Variants in SNTG1 observed in about 807,000 individuals in gnomAD.
The protein encoded by SNTG1 is syntrophin gamma 1.
SNTG1 carries 39 observed loss-of-function variants against 74.7 expected under a neutral mutation model. The observed-to-expected ratio is 0.52, with a 90% CI of 0.40 to 0.68. The LOEUF is 0.68. Ranked by LOEUF, SNTG1 falls within the 30% of genes least tolerant of loss-of-function variation. The pLI is 0.00. For synonymous variants in SNTG1, 254 were observed against 217.1 expected (o/e 1.17, Z -1.49); for missense variants, 685 against 609.5 (o/e 1.12, Z -1.30).
chr8:49,949,027 C>G (rs1809464515), intron 1 of SNTG1, among the ~76,000 whole-genome samples: 1 of 152,182 alleles, frequency 6.6e-6, no homozygotes. Flanking sequence ...GATTTCAATT[C>G]TGGACCCAAA....
At chr8:50,570,403 C>A (rs866186527) in intron 12 of SNTG1, among the ~76,000 whole-genome samples, 3 of 148,050 alleles carry the variant, frequency 2.0e-5, no homozygotes, top group African/African-American at 7.4e-5. Context: ...GGACTACAGG[C>A]GCACACCACC....
chr8:50,501,183 G>A (rs535550978), intron 8 of SNTG1, among the ~76,000 whole-genome samples: 1 of 152,112 alleles, frequency 6.6e-6, no homozygotes, highest in Admixed American at 6.6e-5. Flanking sequence ...GGTGGTATGA[G>A]CCTATATAGC....
chr8:50,762,718 G>A (rs527252640), intron 18 of SNTG1: 2 of 483,518 alleles, frequency 4.1e-6, no homozygotes, highest in African/African-American at 3.9e-5. Flanking sequence ...GCCCAGTCTT[G>A]TGCTTGCCTC....
At chr8:49,915,766 G>C (rs968338418) in intron 1 of SNTG1, among the ~76,000 whole-genome samples, 3 of 152,156 alleles carry the variant, frequency 2.0e-5, no homozygotes, top group Admixed American at 6.5e-5. Context: ...ATTGTGATTT[G>C]ACTGCTGGCT....
At chr8:50,343,489 A>G (rs1020705029) in intron 2 of SNTG1, among the ~76,000 whole-genome samples, 2 of 152,188 alleles carry the variant, frequency 1.3e-5, no homozygotes, top group Non-Finnish European at 2.9e-5. Flanking sequence ...TTTTAATTAT[A>G]AAAAAATTAA....
At chr8:50,340,341 A>G (rs2091283149) in intron 2 of SNTG1, among the ~76,000 whole-genome samples, 1 of 151,986 alleles carries the variant, frequency 6.6e-6, no homozygotes, top group South Asian at 2.1e-4. Context: ...AAGCTACATT[A>G]ACCAAAACAG....
intron 2 of SNTG1, among the ~76,000 whole-genome samples, chr8:50,393,707 C>A (rs1171182088): frequency 6.6e-6 from 1 of 152,058 alleles, no homozygotes; most frequent in African/African-American, 2.4e-5. Flanking sequence ...AGCTTGCTTC[C>A]TTACATCATA....
chr8:50,691,624 A>G (rs1182782015), intron 15 of SNTG1, among the ~76,000 whole-genome samples: 1 of 152,196 alleles, frequency 6.6e-6, no homozygotes, highest in Non-Finnish European at 1.5e-5. Context: ...ATCAGCTGTT[A>G]GTCTGATGGG....
intron 4 of SNTG1, among the ~76,000 whole-genome samples, chr8:50,436,348 C>T (rs1361857783): frequency 2.6e-5 from 4 of 152,048 alleles, no homozygotes; most frequent in Non-Finnish European, 4.4e-5. Context: ...TTTAATTCAC[C>T]TATTCCTGAA....
chr8:50,732,699 G>A (rs564651108), intron 17 of SNTG1, among the ~76,000 whole-genome samples: 115 of 151,256 alleles, frequency 7.6e-4, no homozygotes, highest in African/African-American at 2.0e-3. Context: ...ATTTTACAAC[G>A]TCATCAACAA....
chr8:50,035,266 A>C (rs1818058063), intron 1 of SNTG1, among the ~76,000 whole-genome samples: 1 of 151,862 alleles, frequency 6.6e-6, no homozygotes, highest in Admixed American at 6.6e-5. Context: ...AAGTGCCCCC[A>C]CTCCATGTCT....
chr8:49,933,995 C>A (rs1040028215), intron 1 of SNTG1, among the ~76,000 whole-genome samples: 10 of 152,122 alleles, frequency 6.6e-5, no homozygotes, highest in Admixed American at 3.9e-4. Flanking sequence ...ATGTTTCTTT[C>A]TTTCTGTCTC....
chr8:50,183,250 A>G (rs937922965), intron 2 of SNTG1, among the ~76,000 whole-genome samples: 3 of 152,132 alleles, frequency 2.0e-5, no homozygotes, highest in Non-Finnish European at 4.4e-5. Flanking sequence ...TCTCTGCGCT[A>G]TTTCTGTAAG....
intron 1 of SNTG1, among the ~76,000 whole-genome samples, chr8:50,107,048 C>T (rs2080399929): frequency 6.6e-6 from 1 of 151,964 alleles, no homozygotes; most frequent in Non-Finnish European, 1.5e-5. Context: ...TCCAGGGTGC[C>T]CAGCAAGACA....
At chr8:50,669,414 T>C (rs1162423584) in intron 15 of SNTG1, among the ~76,000 whole-genome samples, 1 of 152,008 alleles carries the variant, frequency 6.6e-6, no homozygotes, top group Non-Finnish European at 1.5e-5. Flanking sequence ...TACAAACAAC[T>C]CTATGCAAAT....
intron 1 of SNTG1, among the ~76,000 whole-genome samples, chr8:49,914,595 G>T (rs1209176720): frequency 6.6e-6 from 1 of 152,052 alleles, no homozygotes; most frequent in African/African-American, 2.4e-5. Flanking sequence ...AATATTACTT[G>T]TATATTCTAA....
At chr8:50,395,564 C>T (rs747199134) in intron 3 of SNTG1, among the ~76,000 whole-genome samples, 1 of 143,506 alleles carries the variant, frequency 7.0e-6, no homozygotes, top group African/African-American at 2.6e-5. Flanking sequence ...AGTGCAGTGG[C>T]GCGATCTCGG....
In SNTG1 at chr8:50,793,648, A is replaced by G. The variant is rs1563845488; in HGVS notation, c.*819A>G. On this transcript the variant is annotated 3_prime_UTR_variant, in exon 19 of 19. Coordinates refer to ENST00000642720, the MANE Select transcript of SNTG1 (RefSeq NM_018967.5). Reference sequence around the variant, plus strand: ...TGTATTTTACCTAATAAGATTTATTATCAAATTAAAGTTTCATAAATTTTC... The same window carrying G: ...TGTATTTTACCTAATAAGATTTATTGTCAAATTAAAGTTTCATAAATTTTC... 2 of 151,908 alleles carry G rather than the reference A, an allele frequency of 1.3e-5. No individual in the cohort carries two copies. Among genetic ancestry groups the G allele is most frequent in the Admixed American group, 1.3e-4 (2 of 15,194 alleles). The allele number at this position is 151,908 out of a possible 1,614,324, so 9.4% of individuals were successfully genotyped here.
intron 1 of SNTG1, among the ~76,000 whole-genome samples, chr8:49,922,701 C>A (rs541618454): frequency 2.0e-5 from 3 of 152,084 alleles, no homozygotes; most frequent in East Asian, 3.9e-4. Flanking sequence ...AAGTTAACAA[C>A]CCATGGTCAT....
Sources: allele counts gnomAD v4.1 joint callset (sites outside exome capture counted in the v4.1 genomes callset), GRCh38; gene constraint gnomAD v4.1.1; transcripts MANE v1.5; gene names NCBI Gene and HGNC (gene_info 2026-07-23, HGNC 2026-07-21).